PROM1: variants seen among roughly 807,000 people sequenced by gnomAD.
The protein encoded by PROM1 is prominin 1, also known as prominin-1.
A neutral mutation model predicts 116.9 loss-of-function variants in PROM1; 105 were observed. The observed-to-expected ratio is 0.90, with a 90% CI of 0.77 to 1.06. The LOEUF is 1.06. Ranked by LOEUF, PROM1 falls within the 50% of genes least tolerant of loss-of-function variation. PROM1 has a pLI of 0.00. For synonymous variants in PROM1, 393 were observed against 387.0 expected, an observed-to-expected ratio of 1.02 and a Z score of -0.18; for missense variants, 1,122 against 1,045.2, an observed-to-expected ratio of 1.07 and a Z score of -1.01.
intron 2 of PROM1, among the ~76,000 whole-genome samples, chr4:16,062,032 C>T (rs1217816962): frequency 2.6e-5 from 4 of 151,984 alleles, no homozygotes; most frequent in Admixed American, 6.6e-5. Flanking sequence ...GCTGGGACTA[C>T]GGGCGCCTGC....
chr4:16,073,086 C>G (rs1326044523), intron 2 of PROM1, among the ~76,000 whole-genome samples: 1 of 152,158 alleles, frequency 6.6e-6, no homozygotes, highest in East Asian at 1.9e-4. Context: ...ATTCAGCTGG[C>G]TCTGCTTGAA....
chr4:16,039,074 C>A (rs918251192), intron 2 of PROM1, 73 bp from the exon 3 acceptor site: 1 of 1,220,034 alleles, frequency 8.2e-7, no homozygotes, highest in East Asian at 3.0e-5. Context: ...AGAAAAAGAT[C>A]TTTATATGCT....
At chr4:16,016,555 C>T (rs1247562135) in intron 9 of PROM1, among the ~76,000 whole-genome samples, 1 of 152,120 alleles carries the variant, frequency 6.6e-6, no homozygotes, top group Non-Finnish European at 1.5e-5. Flanking sequence ...AAATTGTAAA[C>T]AACCTTTTTA....
Position 16,009,054 on chromosome 4 carries a change from C to G in PROM1, c.1196G>C (p.Arg399Pro). The change falls in exon 12 of 28, where the codon CGT (arginine) becomes CCT (proline). Residue 399 changes from arginine to proline, a missense_variant. Physicochemically the swap from Arg to Pro is moderately radical, Grantham distance 103. Coordinates refer to ENST00000447510, the MANE Select transcript of PROM1 (RefSeq NM_006017.3). ...TGAGAGTATATCCTGAATAGGAAGA[C>G]GCTGAGTTACATTGTCGATATCTGA... ...IGSDIDNVTQ[R>P]LPIQDILSAF... 6.2e-7 allele frequency: 1 copy of G among 1,609,896 alleles called. No homozygotes were observed. Among genetic ancestry groups the G allele is most frequent in the Non-Finnish European group, 8.5e-7 (1 of 1,176,428 alleles).
intron 1 of PROM1, chr4:16,080,750 G>A (rs915692450): frequency 6.6e-5 from 10 of 152,414 alleles, no homozygotes; most frequent in African/African-American, 2.4e-4. Context: ...GTCAGCTGAG[G>A]CGCCCAAACT....
intron 2 of PROM1, among the ~76,000 whole-genome samples, chr4:16,041,773 AATAAATAAATAAATAT>A (rs879507560): frequency 0.14 from 5,449 of 38,824 alleles, 223 homozygotes; most frequent in Middle Eastern, 0.36. Context: ...TAAATAAATA[AATAAATAAATAAATAT>A]ATATATATAT....
At chr4:15,981,385 G>C (rs898281638) in intron 23 of PROM1, among the ~76,000 whole-genome samples, 26 of 151,582 alleles carry the variant, frequency 1.7e-4, no homozygotes, top group African/African-American at 6.3e-4. Context: ...TCTGGCCAAC[G>C]TAGTGAAACC....
At chr4:15,997,685 G>A (rs376782028) in intron 15 of PROM1, among the ~76,000 whole-genome samples, 36 of 152,086 alleles carry the variant, frequency 2.4e-4, no homozygotes, top group African/African-American at 8.4e-4. Context: ...GTCTGGTCTC[G>A]AACTCCTGAC....
At chr4:16,014,491 G>A (rs1259328368) in intron 10 of PROM1, among the ~76,000 whole-genome samples, 1 of 152,210 alleles carries the variant, frequency 6.6e-6, no homozygotes, top group Non-Finnish European at 1.5e-5. Flanking sequence ...GGAATAACTT[G>A]TTTAAGGGAC....
intron 23 of PROM1, among the ~76,000 whole-genome samples, chr4:15,982,677 G>A (rs1415413471): frequency 6.6e-6 from 1 of 152,148 alleles, no homozygotes. Context: ...TGAATGGGGT[G>A]GGTGGTGGAG....
chr4:16,057,290 G>C (rs996168804), intron 2 of PROM1, among the ~76,000 whole-genome samples: 2 of 152,212 alleles, frequency 1.3e-5, no homozygotes, highest in African/African-American at 4.8e-5. Flanking sequence ...CAGTTTCCAA[G>C]AGGATATAAA....
chr4:15,992,911 A>G (rs2149127599), intron 16 of PROM1, among the ~76,000 whole-genome samples: 1 of 152,296 alleles, frequency 6.6e-6, no homozygotes, highest in East Asian at 1.9e-4. Context: ...TTATGGAAAC[A>G]CGGTTGGTGA....
intron 11 of PROM1, among the ~76,000 whole-genome samples, chr4:16,009,971 G>C (rs1461884414): frequency 6.9e-6 from 1 of 145,758 alleles, no homozygotes; most frequent in African/African-American, 2.5e-5. Context: ...TTCAGGAACA[G>C]AGTAATTCTC....
intron 23 of PROM1, 149 bp downstream of exon 23, chr4:15,984,114 T>C (rs1718660882): frequency 3.4e-6 from 2 of 593,066 alleles, no homozygotes; most frequent in African/African-American, 1.9e-5. Context: ...TCTAGTCTAT[T>C]AGCATCTCAA....
chr4:16,014,885 A>G (rs1727894543), intron 10 of PROM1, among the ~76,000 whole-genome samples: 1 of 152,236 alleles, frequency 6.6e-6, no homozygotes, highest in Non-Finnish European at 1.5e-5. Context: ...ATTCCAGACC[A>G]ATGCTGTCCC....
intron 14 of PROM1, among the ~76,000 whole-genome samples, chr4:15,999,023 C>T (rs1252834123): frequency 6.6e-6 from 1 of 152,024 alleles, no homozygotes; most frequent in African/African-American, 2.4e-5. Context: ...AGCCACCACG[C>T]CGAGAACTCT....
chr4:16,074,672 C>T (rs1161561840), intron 2 of PROM1, among the ~76,000 whole-genome samples: 2 of 152,070 alleles, frequency 1.3e-5, no homozygotes, highest in South Asian at 2.1e-4. Flanking sequence ...GTTTTAATTG[C>T]CCTAAGACAA....
intron 2 of PROM1, among the ~76,000 whole-genome samples, chr4:16,043,825 T>C (rs1410222041): frequency 6.6e-6 from 1 of 152,180 alleles, no homozygotes; most frequent in African/African-American, 2.4e-5. Flanking sequence ...TGCCAGCCTC[T>C]CCAGGGTGTG....
rs375959879 is a variant in PROM1 at position 16,008,993 on chromosome 4, G to A, written c.1257C>T (p.Tyr419=). ...CCAATGTAGGTAAATTTCTGTGGAT[G>A]TAACTTTCAGTGTTATTAACATAAA... is the stretch of plus-strand genomic sequence containing the variant. ...FSVYVNNTES[Y]IHRNLPTLEE... Residue 419 remains tyrosine, a synonymous_variant, in exon 12 of 28, where the codon TAC becomes TAT. Coordinates refer to ENST00000447510, the MANE Select transcript of PROM1 (RefSeq NM_006017.3). 3 of 1,594,642 alleles carry A rather than the reference G, an allele frequency of 1.9e-6. No homozygotes were observed. The highest frequency in any genetic ancestry group is 2.7e-5 in the African/African-American group (2 of 74,458).
Sources: gnomAD v4.1 joint callset for allele counts (sites outside exome capture counted in the v4.1 genomes callset) on GRCh38, gnomAD v4.1.1 for gene constraint, MANE v1.5 for transcripts, NCBI Gene and HGNC (gene_info 2026-07-23, HGNC 2026-07-21) for gene names.